The following RCL1 variants were observed in gnomAD, a reference collection of about 807,000 sequenced individuals.
RCL1 encodes the protein RNA terminal phosphate cyclase like 1, also known as RNA 3'-terminal phosphate cyclase-like protein.
Under a neutral mutation model 42.4 loss-of-function variants are expected in RCL1, and 24 were observed. The ratio of observed to expected loss-of-function variants is 0.57; its 90% CI spans 0.41 to 0.80. The LOEUF (loss-of-function observed/expected upper bound fraction) is 0.80, where lower values mean the gene tolerates loss of function less well. Ranked by LOEUF, RCL1 falls within the 30% of genes least tolerant of loss-of-function variation. The pLI, the probability that RCL1 is intolerant of heterozygous loss-of-function variation, is 0.00. For missense variants in RCL1, 578 were observed against 467.9 expected, an observed-to-expected ratio of 1.24 and a Z score of -2.17; for synonymous variants, 228 against 177.3, an observed-to-expected ratio of 1.29 and a Z score of -2.27.
chr9:4,809,449 A>G (rs1265871156), intron 1 of RCL1, among the ~76,000 whole-genome samples: 1 of 152,016 alleles, frequency 6.6e-6, no homozygotes, highest in Non-Finnish European at 1.5e-5. Context: ...AGCTGGGGCT[A>G]CAGGCATGTG....
intron 2 of RCL1, 63 bp from the exon 3 acceptor site, chr9:4,826,795 A>G (rs1185850263): frequency 1.4e-6 from 2 of 1,432,868 alleles, no homozygotes; most frequent in African/African-American, 1.4e-5. Context: ...CACTGCCTTC[A>G]TTACCTTTGT....
intron 1 of RCL1, among the ~76,000 whole-genome samples, chr9:4,806,539 T>G (rs1343551156): frequency 1.4e-5 from 2 of 147,582 alleles, no homozygotes; most frequent in Admixed American, 6.8e-5. Context: ...TGATTGATAT[T>G]TAAATATTGA....
rs553633300 is a variant in RCL1, at chr9:4,839,705, G to T, written c.585-1527G>T. ...TTTCCTCATTTCAGGTTTGTCCTTTGAGTCAAGTTAAATATTTATTGAGCA... is the reference window on the plus strand; with the variant it reads ...TTTCCTCATTTCAGGTTTGTCCTTTTAGTCAAGTTAAATATTTATTGAGCA... On this transcript the variant is annotated intron_variant, in intron 5 of 8. Coordinates refer to ENST00000381750, the MANE Select transcript of RCL1 (RefSeq NM_005772.5). 78 of 985,128 alleles carry T rather than the reference G, an allele frequency of 7.9e-5. No homozygotes were observed. The Middle Eastern group carries it at 1.6e-3, about 20-fold the overall frequency. The allele number at this position is 985,128 out of a possible 1,614,324, so 61.0% of individuals were successfully genotyped here.
intron 3 of RCL1, 177 bp downstream of exon 3, chr9:4,827,210 G>C: frequency 6.5e-7 from 1 of 1,530,958 alleles, no homozygotes. Context: ...CAAAACTTAG[G>C]ATCATCAAAT....
At chr9:4,841,204 G>T (rs1563851153) in intron 5 of RCL1, 28 bp from the exon 6 acceptor site, 1 of 1,613,768 alleles carries the variant, frequency 6.2e-7, no homozygotes, top group Non-Finnish European at 8.5e-7. Context: ...AATTCAAGCA[G>T]AATGACATCC....
At chr9:4,852,125 C>A (rs1400614444) in intron 8 of RCL1, among the ~76,000 whole-genome samples, 1 of 152,184 alleles carries the variant, frequency 6.6e-6, no homozygotes, top group Non-Finnish European at 1.5e-5. Context: ...TCGTGGTCCA[C>A]CCGCCTTGGC....
intron 2 of RCL1, among the ~76,000 whole-genome samples, chr9:4,826,110 A>G (rs1250932691): frequency 6.6e-6 from 1 of 151,778 alleles, no homozygotes; most frequent in African/African-American, 2.4e-5. Context: ...AAAAGAAAAA[A>G]AAAATTAGCT....
chr9:4,853,062 G>A (rs566407757), intron 8 of RCL1, among the ~76,000 whole-genome samples: 1 of 152,250 alleles, frequency 6.6e-6, no homozygotes, highest in East Asian at 1.9e-4. Context: ...TAAGAATTCT[G>A]TAAGGTAGAT....
chr9:4,813,323 C>T (rs1816247287), intron 1 of RCL1, among the ~76,000 whole-genome samples: 1 of 152,126 alleles, frequency 6.6e-6, no homozygotes, highest in African/African-American at 2.4e-5. Context: ...CTACAAAGAA[C>T]TTAAACAAAT....
intron 1 of RCL1, among the ~76,000 whole-genome samples, chr9:4,803,191 T>C (rs1286115938): frequency 6.6e-6 from 1 of 152,174 alleles, no homozygotes. Context: ...CTTACTTAGG[T>C]CATAAATGTA....
At chr9:4,794,570 C>G (rs1432410896) in intron 1 of RCL1, among the ~76,000 whole-genome samples, 2 of 152,112 alleles carry the variant, frequency 1.3e-5, no homozygotes, top group African/African-American at 4.8e-5. Flanking sequence ...CTCAGGTTAG[C>G]TCAGAGAACT....
At chr9:4,808,044 T>C (rs1816042832) in intron 1 of RCL1, among the ~76,000 whole-genome samples, 1 of 152,128 alleles carries the variant, frequency 6.6e-6, no homozygotes, top group Admixed American at 6.5e-5. Flanking sequence ...GGTGGAGTGC[T>C]CTATAAATGT....
intron 3 of RCL1, among the ~76,000 whole-genome samples, chr9:4,832,531 C>A (rs1816973457): frequency 6.6e-6 from 1 of 151,916 alleles, no homozygotes; most frequent in African/African-American, 2.4e-5. Flanking sequence ...GTTCTCCAGG[C>A]TGGGTGTGGT....
chr9:4,844,468 T>A, intron 6 of RCL1, 57 bp from the exon 7 acceptor site: 1 of 1,325,984 alleles, frequency 7.5e-7, no homozygotes, highest in Admixed American at 2.2e-5. Flanking sequence ...CGTTTGCTGG[T>A]GAGTGGAAAC....
intron 1 of RCL1, among the ~76,000 whole-genome samples, chr9:4,820,570 G>A (rs1816559790): frequency 6.6e-6 from 1 of 152,202 alleles, no homozygotes; most frequent in Admixed American, 6.5e-5. Flanking sequence ...AGAAAGTAAA[G>A]TCATGGTTTC....
At chr9:4,858,489 T>A (rs2129757166) in intron 8 of RCL1, among the ~76,000 whole-genome samples, 1 of 152,348 alleles carries the variant, frequency 6.6e-6, no homozygotes, top group South Asian at 2.1e-4. Context: ...AACTTTATAG[T>A]TTTAGCTCTT....
chr9:4,833,283 G>C, intron 4 of RCL1, 55 bp downstream of exon 4: 1 of 1,321,762 alleles, frequency 7.6e-7, no homozygotes, highest in Non-Finnish European at 1.1e-6. Context: ...TTTTCCCACT[G>C]ACTCATTGGA....
chr9:4,833,256 T>C (rs1817010868), intron 4 of RCL1, 28 bp downstream of exon 4: 1 of 1,541,488 alleles, frequency 6.5e-7, no homozygotes, highest in Middle Eastern at 1.7e-4. Context: ...GTTGACCATA[T>C]GTTCCTGTGG....
At chr9:4,803,666 C>T (rs12003939) in intron 1 of RCL1, 4,016 of 152,180 alleles carry the variant, frequency 0.026, 164 homozygotes, top group African/African-American at 0.091. Flanking sequence ...CAGCACTTGA[C>T]CATGATTGTA....
Sources: allele counts gnomAD v4.1 joint callset (sites outside exome capture counted in the v4.1 genomes callset), GRCh38; gene constraint gnomAD v4.1.1; transcripts MANE v1.5; gene names NCBI Gene and HGNC (gene_info 2026-07-23, HGNC 2026-07-21).